The following HS3ST4 variants were observed in gnomAD, a reference collection of about 807,000 sequenced individuals.
HS3ST4 encodes heparan sulfate-glucosamine 3-sulfotransferase 4.
HS3ST4 carries 17 observed loss-of-function variants against 29.2 expected under a neutral mutation model. That is an observed-to-expected ratio of 0.58 (90% CI 0.40 to 0.87). HS3ST4 has a LOEUF of 0.87. HS3ST4 is among the 40% of genes least tolerant of loss of function. HS3ST4 has a pLI of 0.00. For missense variants in HS3ST4, 627 were observed against 634.5 expected, an observed-to-expected ratio of 0.99 and a Z score of 0.13; for synonymous variants, 314 against 285.7, an observed-to-expected ratio of 1.10 and a Z score of -1.00.
chr16:25,865,980 A>G (rs1967690498), intron 1 of HS3ST4, among the ~76,000 whole-genome samples: 1 of 152,236 alleles, frequency 6.6e-6, no homozygotes, highest in East Asian at 1.9e-4. Flanking sequence ...ATGAAATTGC[A>G]TCCAACTAAA....
At chr16:25,821,469 A>T (rs1203930277) in intron 1 of HS3ST4, among the ~76,000 whole-genome samples, 1 of 152,140 alleles carries the variant, frequency 6.6e-6, no homozygotes, top group Non-Finnish European at 1.5e-5. Context: ...TTCTTCACAT[A>T]GTAATATTCC....
intron 1 of HS3ST4, among the ~76,000 whole-genome samples, chr16:25,812,259 A>G (rs774968422): frequency 3.3e-5 from 5 of 152,196 alleles, no homozygotes; most frequent in African/African-American, 4.8e-5. Context: ...GGCAAATGTC[A>G]CAAATATCTA....
rs1348672095 is a variant in HS3ST4 at position 25,870,183 on chromosome 16, CCCATCCATCCATCCATCCAA to C, written c.734+177052_734+177071del. ...CATCATTTGCCCATCCATCCATCCA[CCCATCCATCCATCCATCCAA>C]CCATCCATCCATCCATCCATCTATC... On this transcript the variant is annotated intron_variant, in intron 1 of 1. Transcript: ENST00000331351. Among the ~76,000 whole-genome samples, 9 of 152,068 alleles carry C rather than the reference CCCATCCATCCATCCATCCAA, an allele frequency of 5.9e-5. No individual in the cohort carries two copies. The East Asian group carries it at 9.7e-4, about 16-fold the overall frequency.
chr16:25,780,814 A>G (rs182006958), intron 1 of HS3ST4, among the ~76,000 whole-genome samples: 139 of 152,306 alleles, frequency 9.1e-4, no homozygotes, highest in Non-Finnish European at 1.7e-3. Context: ...TTAAATGAGC[A>G]TGATTTGTGT....
chr16:25,914,082 GTATGA>G (rs895790624), intron 1 of HS3ST4, among the ~76,000 whole-genome samples: 15 of 150,046 alleles, frequency 1.0e-4, no homozygotes, highest in African/African-American at 3.7e-4. Context: ...GTGTGTGGGG[GTATGA>G]TATATGTGTG....
rs1169709825 is a variant in HS3ST4, at chr16:26,097,384, T to G, written c.735-38228T>G. Among the ~76,000 whole-genome samples the G allele has an allele frequency of 2.6e-5, 4 of 151,890 alleles. No homozygotes were observed. In the East Asian group the frequency reaches 5.8e-4, roughly 22 times the overall value. Reference sequence around the variant, plus strand: ...AGCATGGTACTGGTACCAAAACAGATATATAGACCAATGGAACAGAACAGA... The same window carrying G: ...AGCATGGTACTGGTACCAAAACAGAGATATAGACCAATGGAACAGAACAGA... On this transcript the variant is annotated intron_variant, in intron 1 of 1. Coordinates refer to ENST00000331351, the MANE Select transcript of HS3ST4 (RefSeq NM_006040.3).
chr16:25,896,204 G>A (rs1312911242), intron 1 of HS3ST4, among the ~76,000 whole-genome samples: 1 of 152,174 alleles, frequency 6.6e-6, no homozygotes, highest in Non-Finnish European at 1.5e-5. Context: ...GGATTGTCTG[G>A]GAACAGGTGG....
rs545055031 is a variant in HS3ST4 at position 26,120,269 on chromosome 16, A to C, written c.735-15343A>C. 1.1e-4 allele frequency among the ~76,000 whole-genome samples: 16 copies of C among 152,274 alleles called. 1 individual carries two copies. The highest frequency in any genetic ancestry group is 3.1e-4 in the African/African-American group (13 of 41,558). On this transcript the variant is annotated intron_variant, in intron 1 of 1. Transcript: ENST00000331351. The stretch of plus-strand genomic sequence containing the variant: ...ATATGATCAGACTGATTGGTTTAAA[A>C]ATCTGTTTAGTATTTCATGCACCCC...
intron 1 of HS3ST4, among the ~76,000 whole-genome samples, chr16:25,840,024 A>G (rs757390394): frequency 1.3e-5 from 2 of 152,208 alleles, no homozygotes; most frequent in Non-Finnish European, 2.9e-5. Context: ...CCAGAATGAT[A>G]TGGTTGAGTT....
rs368936678 is a variant in HS3ST4, at chr16:25,776,365, C to T, written c.734+83214C>T. On this transcript the variant is annotated intron_variant, in intron 1 of 1. Coordinates refer to ENST00000331351, the MANE Select transcript of HS3ST4 (RefSeq NM_006040.3). ...CTGAGATAAATGGATATCTGATTGC[C>T]TCCTTTGGAGAGGCTCATCAGAAAC... is the stretch of plus-strand genomic sequence containing the variant. Among the ~76,000 whole-genome samples the T allele has an allele frequency of 1.2e-4, 19 of 152,294 alleles. No homozygotes were observed. In the East Asian group the frequency reaches 3.5e-3, roughly 28 times the overall value.
At chr16:25,843,111 C>A (rs1161062935) in intron 1 of HS3ST4, among the ~76,000 whole-genome samples, 1 of 152,098 alleles carries the variant, frequency 6.6e-6, no homozygotes, top group Non-Finnish European at 1.5e-5. Flanking sequence ...TATGAACCAC[C>A]CCCAAATTTA....
At chr16:25,938,107 A>G (rs9923048) in intron 1 of HS3ST4, among the ~76,000 whole-genome samples, 28 of 151,932 alleles carry the variant, frequency 1.8e-4, no homozygotes, top group African/African-American at 6.3e-4. Context: ...AAATATACCA[A>G]ACCTGACCCA....
At chr16:25,808,699 G>A (rs1967013450) in intron 1 of HS3ST4, among the ~76,000 whole-genome samples, 1 of 152,082 alleles carries the variant, frequency 6.6e-6, no homozygotes, top group Non-Finnish European at 1.5e-5. Context: ...ATCACTATGG[G>A]GAGACTTGAC....
intron 1 of HS3ST4, among the ~76,000 whole-genome samples, chr16:25,722,830 A>G (rs549569573): frequency 6.6e-6 from 1 of 152,296 alleles, no homozygotes; most frequent in African/African-American, 2.4e-5. Context: ...AGTTGTAAGG[A>G]TTACATGAGA....
chr16:26,136,449 C>A lies in HS3ST4; in HGVS notation c.*201C>A. On this transcript the variant is annotated 3_prime_UTR_variant, in exon 2 of 2. Transcript: ENST00000331351. ...GGCATCCCCATGGAGGAACCAGGCC[C>A]ATCTGGGCAGCAGCATCTGGTTGAC... The A allele has an allele frequency of 1.7e-6, 1 of 597,038 alleles. No homozygotes were observed. The highest frequency in any genetic ancestry group is 2.9e-6 in the Non-Finnish European group (1 of 339,114). The allele number at this position is 597,038 out of a possible 1,614,324, so 37.0% of individuals were successfully genotyped here.
At chr16:26,100,411 G>C (rs1359692601) in intron 1 of HS3ST4, among the ~76,000 whole-genome samples, 1 of 152,166 alleles carries the variant, frequency 6.6e-6, no homozygotes, top group Non-Finnish European at 1.5e-5. Flanking sequence ...GCAAATTTGG[G>C]TCAAGTCTGC....
At chr16:25,740,586 C>T (rs968846460) in intron 1 of HS3ST4, among the ~76,000 whole-genome samples, 1 of 152,130 alleles carries the variant, frequency 6.6e-6, no homozygotes, top group Non-Finnish European at 1.5e-5. Context: ...CTGGGGGAAT[C>T]ATTTAGATTT....
At chr16:25,924,221 C>A (rs1449334886) in intron 1 of HS3ST4, among the ~76,000 whole-genome samples, 1 of 152,108 alleles carries the variant, frequency 6.6e-6, no homozygotes, top group Non-Finnish European at 1.5e-5. Flanking sequence ...TTATTCTGTA[C>A]GGCCAATCTG....
intron 1 of HS3ST4, among the ~76,000 whole-genome samples, chr16:26,083,068 A>G (rs1193941446): frequency 6.6e-6 from 1 of 152,232 alleles, no homozygotes; most frequent in East Asian, 1.9e-4. Flanking sequence ...CCAAGGTGCC[A>G]TGTCATAGAT....
Sources: gnomAD v4.1 joint callset for allele counts (sites outside exome capture counted in the v4.1 genomes callset) on GRCh38, gnomAD v4.1.1 for gene constraint, MANE v1.5 for transcripts, NCBI Gene and HGNC (gene_info 2026-07-23, HGNC 2026-07-21) for gene names.